Variants in RB1 observed in about 807,000 individuals in gnomAD.
RB1 encodes the protein RB transcriptional corepressor 1, also known as retinoblastoma-associated protein.
A neutral mutation model predicts 135.4 loss-of-function variants in RB1; 18 were observed. The ratio of observed to expected loss-of-function variants is 0.13; its 90% confidence interval spans 0.09 to 0.20. The LOEUF (loss-of-function observed/expected upper bound fraction) is 0.20. RB1 is among the 10% of genes least tolerant of loss of function. The pLI is 1.00. For missense variants in RB1, 868 were observed against 1,110.0 expected, an observed-to-expected ratio of 0.78 and a Z score of 3.10; for synonymous variants, 365 against 373.2, an observed-to-expected ratio of 0.98 and a Z score of 0.25.
intron 2 of RB1, among the ~76,000 whole-genome samples, chr13:48,321,012 T>C (rs1445140765): frequency 6.6e-6 from 1 of 152,136 alleles, no homozygotes; most frequent in Non-Finnish European, 1.5e-5. Flanking sequence ...AGGTCGACTG[T>C]GAAACTGCAG....
chr13:48,306,735 A>G (rs780234513), intron 1 of RB1, among the ~76,000 whole-genome samples: 16 of 152,254 alleles, frequency 1.1e-4, no homozygotes, highest in Non-Finnish European at 1.8e-4. Context: ...TAGATAACAC[A>G]TAGAAATTAG....
intron 10 of RB1, 42 bp downstream of exon 10, chr13:48,367,645 G>A (rs2138121709): frequency 6.3e-7 from 1 of 1,582,722 alleles, no homozygotes; most frequent in Non-Finnish European, 8.6e-7. Context: ...TTTAGATATA[G>A]GTTGATACTG....
At position 48,392,088 on chromosome 13, in the gene RB1, A is replaced by G. The variant is rs144681156; in HGVS notation, c.1695+10645A>G. ...TTGAGTGCTTTAAAAATATTGCTCC[A>G]CTGTCTTCTGGTTTGCCTTGTTTCT... On this transcript the variant is annotated intron_variant, in intron 17 of 26. Transcript: ENST00000267163. Among the ~76,000 whole-genome samples the G allele has an allele frequency of 2.6e-3, 389 of 151,804 alleles. 1 individual carries two copies. Among genetic ancestry groups the G allele is most frequent in the African/African-American group, 9.0e-3 (371 of 41,428 alleles).
At chr13:48,380,567 T>A (rs1294587114) in intron 16 of RB1, among the ~76,000 whole-genome samples, 2 of 152,210 alleles carry the variant, frequency 1.3e-5, no homozygotes, top group Non-Finnish European at 2.9e-5. Context: ...GAGTGGCCTC[T>A]ACTGATATGG....
chr13:48,317,600 G>A, intron 2 of RB1: 1 of 447,490 alleles, frequency 2.2e-6, no homozygotes, highest in South Asian at 2.3e-5. Context: ...CCTCGTGAGC[G>A]CTGGTCTTTC....
chr13:48,304,789 C>G (rs921254682), intron 1 of RB1, among the ~76,000 whole-genome samples: 1 of 151,980 alleles, frequency 6.6e-6, no homozygotes, highest in African/African-American at 2.4e-5. Context: ...TTGATGAACT[C>G]TTCTTGCGTG....
intron 17 of RB1, among the ~76,000 whole-genome samples, chr13:48,409,625 G>A (rs558493724): frequency 1.7e-5 from 2 of 120,078 alleles, no homozygotes; most frequent in South Asian, 2.8e-4. Context: ...TCTGTCGCCC[G>A]GCTGGAGTGC....
chr13:48,370,329 A>G (rs1952746398), intron 11 of RB1, among the ~76,000 whole-genome samples: 1 of 151,912 alleles, frequency 6.6e-6, no homozygotes, highest in Admixed American at 6.6e-5. Flanking sequence ...TGCAGCAGTC[A>G]CCAGCTGGGT....
chr13:48,409,769 C>T (rs1191656351), intron 17 of RB1, among the ~76,000 whole-genome samples: 7 of 151,502 alleles, frequency 4.6e-5, no homozygotes, highest in African/African-American at 9.7e-5. Context: ...TTAGTAGAGA[C>T]GGGGTTTCAC....
chr13:48,367,266 A>G (rs1411323125), intron 9 of RB1, among the ~76,000 whole-genome samples: 1 of 152,172 alleles, frequency 6.6e-6, no homozygotes, highest in Non-Finnish European at 1.5e-5. Context: ...AAATTCTAAT[A>G]AATATTTTCT....
At chr13:48,423,164 A>G (rs1949031092) in intron 17 of RB1, among the ~76,000 whole-genome samples, 1 of 152,230 alleles carries the variant, frequency 6.6e-6, no homozygotes, top group Non-Finnish European at 1.5e-5. Flanking sequence ...AGAATGAAAT[A>G]TAGTGAATTT....
intron 6 of RB1, among the ~76,000 whole-genome samples, chr13:48,356,033 T>C (rs1952586998): frequency 6.6e-6 from 1 of 152,048 alleles, no homozygotes. Context: ...AATACCTTAA[T>C]TGTACATTTT....
chr13:48,466,026 C>A (rs1463564212), intron 23 of RB1, among the ~76,000 whole-genome samples: 1 of 149,572 alleles, frequency 6.7e-6, no homozygotes, highest in East Asian at 2.0e-4. Flanking sequence ...AACAAAGCAG[C>A]CGGGAAGCTC....
At position 48,459,689 on chromosome 13, in the gene RB1, G is replaced by T. The variant is rs2138335792; in HGVS notation, c.1962G>T (p.Val654=). Residue 654 remains valine, a splice_region_variant and synonymous_variant, in exon 20 of 27, where the codon GTG becomes GTT. Transcript: ENST00000267163. ...STSLSLFYKK[V]YRLAYLRLNT... is the part of the protein sequence containing the mutation. ...GACTAATTTTTCTTATTCCCACAGT[G>T]TATCGGCTAGCCTATCTCCGGCTAA... 11 of 1,613,958 alleles carry T rather than the reference G, an allele frequency of 6.8e-6. 1 individual carries two copies. In the South Asian group the frequency reaches 1.1e-4, roughly 16 times the overall value.
In RB1 at chr13:48,315,162, A is replaced by G. The variant is rs554861917; in HGVS notation, c.264+7756A>G. ...CATTTTAATGATATTGATTCTTCTT[A>G]TCCATGAGCATGGAATGTTTTTCCA... On this transcript the variant is annotated intron_variant, in intron 2 of 26. Transcript: ENST00000267163. Among the ~76,000 whole-genome samples the G allele has an allele frequency of 2.6e-5, 4 of 152,172 alleles. No individual in the cohort carries two copies. In the South Asian group the frequency reaches 8.3e-4, roughly 32 times the overall value.
intron 4 of RB1, among the ~76,000 whole-genome samples, chr13:48,345,790 C>T (rs1000208084): frequency 6.6e-5 from 10 of 151,964 alleles, no homozygotes; most frequent in Non-Finnish European, 8.8e-5. Context: ...ATTTCATTTG[C>T]GGTTAAGAGA....
At chr13:48,445,891 A>G (rs558585894) in intron 17 of RB1, among the ~76,000 whole-genome samples, 1 of 152,298 alleles carries the variant, frequency 6.6e-6, no homozygotes, top group South Asian at 2.1e-4. Context: ...GGTAAAAAAC[A>G]TGGGGGAAAG....
At chr13:48,442,663 T>G (rs1949249753) in intron 17 of RB1, among the ~76,000 whole-genome samples, 1 of 152,178 alleles carries the variant, frequency 6.6e-6, no homozygotes, top group Admixed American at 6.5e-5. Flanking sequence ...CTCATTCAGA[T>G]AAGTGACTAT....
chr13:48,445,721 A>T (rs889863959), intron 17 of RB1, among the ~76,000 whole-genome samples: 8 of 152,092 alleles, frequency 5.3e-5, no homozygotes, highest in African/African-American at 1.9e-4. Flanking sequence ...GTCATCACAT[A>T]CTTATTTCCT....
Sources: gnomAD v4.1 joint callset for allele counts (sites outside exome capture counted in the v4.1 genomes callset) on GRCh38, gnomAD v4.1.1 for gene constraint, MANE v1.5 for transcripts, NCBI Gene and HGNC (gene_info 2026-07-23, HGNC 2026-07-21) for gene names.